KCTD19: variants seen among roughly 807,000 people sequenced by gnomAD.
KCTD19 encodes potassium channel tetramerization domain containing 19.
A neutral mutation model predicts 103.5 loss-of-function variants in KCTD19; 67 were observed. That is an observed-to-expected ratio of 0.65 (90% CI 0.53 to 0.79). The LOEUF (loss-of-function observed/expected upper bound fraction) is 0.79, where lower values mean the gene tolerates loss of function less well. Among genes scored for constraint, KCTD19 ranks in the 30% least tolerant of loss-of-function variants. KCTD19 has a pLI of 0.00. For synonymous variants in KCTD19, 439 were observed against 452.2 expected, an observed-to-expected ratio of 0.97 and a Z score of 0.37; for missense variants, 980 against 1,136.1, an observed-to-expected ratio of 0.86 and a Z score of 1.98.
chr16:67,322,197 T>C (rs925896821), intron 1 of KCTD19, among the ~76,000 whole-genome samples: 1 of 152,132 alleles, frequency 6.6e-6, no homozygotes, highest in Non-Finnish European at 1.5e-5. Flanking sequence ...CCCATCCATA[T>C]GCATAAAAGA....
chr16:67,296,660 C>T (rs1431323990), intron 7 of KCTD19, among the ~76,000 whole-genome samples: 2 of 152,206 alleles, frequency 1.3e-5, no homozygotes, highest in Non-Finnish European at 2.9e-5. Context: ...ATGGAGCCAA[C>T]TCTCATCAAA....
rs2036808433 is a variant in KCTD19 at position 67,299,470 on chromosome 16, C to G, written c.879G>C (p.Leu293=). ...GCGCAGAGTCCGGGTACTTGACCAG[C>G]AGACCCAGGGCCATTGTGTAGAGCG... ...VKPLYTMALG[L]LVKYPDSALG... is the part of the protein sequence containing the mutation. Residue 293 remains leucine (L), a synonymous_variant, in exon 6 of 16, where the codon CTG becomes CTC. Transcript: ENST00000304372. 1 of 1,614,110 alleles carries G rather than the reference C, an allele frequency of 6.2e-7. No homozygotes were observed. The highest frequency in any genetic ancestry group is 1.7e-5 in the Admixed American group (1 of 60,014).
intron 8 of KCTD19, chr16:67,295,672 C>T: frequency 2.6e-6 from 1 of 379,732 alleles, no homozygotes; most frequent in Non-Finnish European, 4.8e-6. Context: ...AGTCCAGGTC[C>T]CTCAGAGCTG....
Position 67,293,244 on chromosome 16 carries a change from A to G in KCTD19, c.2218+300T>C, listed in dbSNP as rs1322533229. ...CTAGACCCATGCCCTGCGCTTCCAA[A>G]CATCCTGGACTTCTCCTTCCTTCCC... On this transcript the variant is annotated intron_variant, in intron 12 of 15. Coordinates refer to ENST00000304372, the MANE Select transcript of KCTD19 (RefSeq NM_001100915.3). This position sits in a 1 kb window ranked among gnomAD's most constrained non-coding sequence, Gnocchi z 4.0. Among the ~76,000 whole-genome samples the G allele has an allele frequency of 1.3e-5, 2 of 151,914 alleles. No homozygotes were observed. The highest frequency in any genetic ancestry group is 2.9e-5 in the Non-Finnish European group (2 of 67,980).
chr16:67,315,216 T>C (rs2036997368), intron 2 of KCTD19, among the ~76,000 whole-genome samples: 1 of 152,086 alleles, frequency 6.6e-6, no homozygotes, highest in Admixed American at 6.6e-5. Context: ...TTGTCAACCT[T>C]TGACATCTCC....
intron 9 of KCTD19, 59 bp from the exon 10 acceptor site, chr16:67,295,115 A>G: frequency 1.3e-6 from 2 of 1,564,038 alleles, no homozygotes; most frequent in Non-Finnish European, 1.8e-6. Flanking sequence ...GGGAGGGAGC[A>G]TGAGCTCCTG....
intron 2 of KCTD19, among the ~76,000 whole-genome samples, chr16:67,307,042 C>A (rs938494819): frequency 6.6e-6 from 1 of 151,952 alleles, no homozygotes; most frequent in African/African-American, 2.4e-5. Context: ...CAACTGTTTT[C>A]TTTTTATTGA....
At position 67,299,520 on chromosome 16, in the gene KCTD19, T is replaced by A. The variant is rs536021514; in HGVS notation, c.829A>T (p.Thr277Ser). The A allele has an allele frequency of 8.1e-6, 13 of 1,613,336 alleles. No homozygotes were observed. The highest frequency in any genetic ancestry group is 1.1e-5 in the Non-Finnish European group (13 of 1,179,792). The stretch of plus-strand genomic sequence containing the variant: ...GGTTTCACGGACTCCAGGCTGGCTG[T>A]GCGGGCCCCCTTCCCGGGGCTCAGG... Reference protein sequence around the residue: ...SPLSPGKGARTASLESVKPLY... With the variant: ...SPLSPGKGARSASLESVKPLY... The change falls in exon 6 of 16, where the codon ACA becomes TCA. Residue 277 changes from threonine to serine, a missense_variant. Coordinates refer to ENST00000304372, the MANE Select transcript of KCTD19 (RefSeq NM_001100915.3).
chr16:67,325,766 G>T (rs1253396209), intron 1 of KCTD19: 3 of 152,264 alleles, frequency 2.0e-5, no homozygotes, highest in African/African-American at 4.8e-5. Context: ...AACCTGTGGT[G>T]CTTGAAAGAC....
At chr16:67,302,292 GC>G (rs2142509068) in intron 4 of KCTD19, 1 of 218,548 alleles carries the variant, frequency 4.6e-6, no homozygotes, top group East Asian at 1.3e-4. Flanking sequence ...GCCCGGCCGA[GC>G]CTGGGCTGGC....
intron 7 of KCTD19, 58 bp from the exon 8 acceptor site, chr16:67,296,317 G>C (rs990574301): frequency 1.9e-6 from 2 of 1,068,928 alleles, no homozygotes; most frequent in African/African-American, 3.1e-5. Context: ...AAAGCAGGTA[G>C]GGCCCTTTGG....
intron 1 of KCTD19, among the ~76,000 whole-genome samples, chr16:67,324,623 T>A (rs879299577): frequency 5.3e-5 from 8 of 152,114 alleles, no homozygotes; most frequent in Non-Finnish European, 7.4e-5. Flanking sequence ...GGAAAAACAG[T>A]GTTAAAGTAA....
rs1432273379 is a variant in KCTD19, at chr16:67,320,747, A to C, written c.142T>G (p.Ser48Ala). 1.9e-6 allele frequency: 3 copies of C among 1,614,172 alleles called. No homozygotes were observed. The highest frequency in any genetic ancestry group is 1.7e-6 in the Non-Finnish European group (2 of 1,180,020). Residue 48 changes from serine to alanine, a missense_variant, in exon 2 of 16, where the codon TCT becomes GCT. Coordinates refer to ENST00000304372, the MANE Select transcript of KCTD19 (RefSeq NM_001100915.3). This position sits in a 1 kb window ranked among gnomAD's most constrained non-coding sequence, Gnocchi z 4.0. ...ATAAATAGCCTCTGGCTTTCTGAAG[A>C]GGTCAAGGCTGAAGCCTCTTTCCAC... is the stretch of plus-strand genomic sequence containing the variant. ...LLWKEASALTSSESQRLFIDR... is the reference protein window; with the variant it reads ...LLWKEASALTASESQRLFIDR...
chr16:67,314,685 T>G (rs866294832), intron 2 of KCTD19, among the ~76,000 whole-genome samples: 3 of 151,766 alleles, frequency 2.0e-5, no homozygotes, highest in Middle Eastern at 6.8e-3. Flanking sequence ...CCCAAAGTGC[T>G]GGGATTATAG....
chr16:67,320,753 A>T lies in KCTD19; in HGVS notation c.136T>A (p.Leu46Met), dbSNP rs922104465. ...AGCCTCTGGCTTTCTGAAGAGGTCA[A>T]GGCTGAAGCCTCTTTCCACAGCAGG... The part of the protein sequence containing the change: ...DSLLWKEASA[L>M]TSSESQRLFI... Residue 46 changes from leucine (L) to methionine (M), a missense_variant, in exon 2 of 16, where the codon TTG becomes ATG. By Grantham distance (15) the Leu-to-Met change is conservative (BLOSUM62 2). Coordinates refer to ENST00000304372, the MANE Select transcript of KCTD19 (RefSeq NM_001100915.3). This position sits in a 1 kb window ranked among gnomAD's most constrained non-coding sequence, Gnocchi z 4.0. 1 of 1,614,228 alleles carries T rather than the reference A, an allele frequency of 6.2e-7. No individual in the cohort carries two copies. Among genetic ancestry groups the T allele is most frequent in the African/African-American group, 1.3e-5 (1 of 75,068 alleles).
At position 67,304,498 on chromosome 16, in the gene KCTD19, GCT is replaced by G. The variant is rs1444787774; in HGVS notation, c.372_373del (p.Arg124SerfsTer13). 2 of 1,613,830 alleles carry G rather than the reference GCT, an allele frequency of 1.2e-6. No homozygotes were observed. The highest frequency in any genetic ancestry group is 1.7e-6 in the Non-Finnish European group (2 of 1,179,728). On this transcript the variant is annotated frameshift_variant, in exon 3 of 16. Transcript: ENST00000304372. LOFTEE classifies it high-confidence loss of function. The stretch of plus-strand genomic sequence containing the variant: ...CCATGTACGCCAGTAGTTCAGAGAT[GCT>G]CTCTCAGCAACAGGTAGGTCTGCAG...
chr16:67,322,945 C>T (rs986351130), intron 1 of KCTD19, among the ~76,000 whole-genome samples: 4 of 152,040 alleles, frequency 2.6e-5, no homozygotes, highest in African/African-American at 9.7e-5. Context: ...ACCAACAGAA[C>T]GAAAAAAGAT....
intron 3 of KCTD19, among the ~76,000 whole-genome samples, chr16:67,304,021 C>T (rs1221433603): frequency 1.3e-5 from 2 of 152,306 alleles, no homozygotes; most frequent in East Asian, 1.9e-4. Flanking sequence ...TAAAATCCAT[C>T]AATAATCATA....
rs528777674 is a variant in KCTD19, at chr16:67,312,435, C to G, written c.301-7864G>C. On this transcript the variant is annotated intron_variant, in intron 2 of 15. Transcript: ENST00000304372. ...CTGTAATGACTACTTTGTATTTCCC[C>G]TATAAACAATATACAGTATTCCAAA... Among the ~76,000 whole-genome samples, 19 of 152,286 alleles carry G rather than the reference C, an allele frequency of 1.2e-4. No individual in the cohort carries two copies. The South Asian group carries it at 3.3e-3, about 27-fold the overall frequency.
Sources: gnomAD v4.1 joint callset for allele counts (sites outside exome capture counted in the v4.1 genomes callset) on GRCh38, gnomAD v4.1.1 for gene constraint, Gnocchi (gnomAD v3.1) non-coding constraint, MANE v1.5 for transcripts, NCBI Gene and HGNC (gene_info 2026-07-23, HGNC 2026-07-21) for gene names.